PARD3B: variants seen among roughly 807,000 people sequenced by gnomAD.
PARD3B encodes the protein partitioning defective 3 homolog B.
PARD3B carries 103 observed loss-of-function variants against 130.2 expected under a neutral mutation model. The ratio of observed to expected loss-of-function variants is 0.79; its 90% CI spans 0.67 to 0.93. The LOEUF is 0.93. Among genes scored for constraint, PARD3B ranks in the 40% least tolerant of loss-of-function variants. The pLI, the probability that PARD3B is intolerant of heterozygous loss-of-function variation, is 0.00. For synonymous variants in PARD3B, 583 were observed against 553.2 expected (o/e 1.05, Z -0.76); for missense variants, 1,609 against 1,499.2 (o/e 1.07, Z -1.21).
chr2:205,206,499 G>A (rs569518434), intron 15 of PARD3B, among the ~76,000 whole-genome samples: 2 of 151,298 alleles, frequency 1.3e-5, no homozygotes, highest in East Asian at 3.9e-4. Flanking sequence ...AGTTTACCGA[G>A]AATGATGATT....
chr2:204,944,915 G>GA (rs1689192828), intron 2 of PARD3B, among the ~76,000 whole-genome samples: 1 of 152,090 alleles, frequency 6.6e-6, no homozygotes, highest in Non-Finnish European at 1.5e-5. Flanking sequence ...GGGAGTGAGA[G>GA]AAAAAATTGC....
rs2055418457 is a variant in PARD3B, at chr2:205,615,909, C to G, written c.*96C>G. 6.9e-6 allele frequency: 7 copies of G among 1,020,782 alleles called. No homozygotes were observed. Among genetic ancestry groups the G allele is most frequent in the Admixed American group, 2.3e-5 (1 of 42,692 alleles). The allele number at this position is 1,020,782 out of a possible 1,614,324, so 63.2% of individuals were successfully genotyped here. A position where few individuals can be genotyped will look rare whatever the true frequency, so the allele number is the denominator to read the frequency against. ...GAAGACCTCCTTGGTGTTAGGAATT[C>G]TCCATGTTACTGATAAGCTTTTTCT... On this transcript the variant is annotated 3_prime_UTR_variant, in exon 23 of 23. Transcript: ENST00000406610.
intron 10 of PARD3B, among the ~76,000 whole-genome samples, chr2:205,151,737 ATT>A (rs2033770735): frequency 6.6e-6 from 1 of 152,212 alleles, no homozygotes; most frequent in Non-Finnish European, 1.5e-5. Context: ...CTGTCTTTTA[ATT>A]GGGGCATTTA....
In PARD3B at chr2:205,529,073, CT is replaced by C. The variant is rs746584103; in HGVS notation, c.3181-24248del. Among the ~76,000 whole-genome samples the C allele has an allele frequency of 1.6e-3, 243 of 152,150 alleles. 1 individual carries two copies. Among genetic ancestry groups the C allele is most frequent in the Middle Eastern group, 3.4e-3 (1 of 294 alleles). ...CAACATATTTTAATGCAAATGTTAC[CT>C]TTGTAAGTGGATGACCTGAAAAGAA... On this transcript the variant is annotated intron_variant, in intron 21 of 22. Transcript: ENST00000406610.
chr2:204,757,199 T>G (rs2040713834), intron 2 of PARD3B, among the ~76,000 whole-genome samples: 1 of 152,208 alleles, frequency 6.6e-6, no homozygotes, highest in Non-Finnish European at 1.5e-5. Flanking sequence ...TCTTTGCTGT[T>G]GTGACTAGTG....
chr2:205,557,896 C>T (rs1381295783), intron 22 of PARD3B, among the ~76,000 whole-genome samples: 1 of 152,116 alleles, frequency 6.6e-6, no homozygotes, highest in East Asian at 1.9e-4. Context: ...CGTTGCTTTC[C>T]TCCCCCTGCC....
Position 204,998,344 on chromosome 2 carries a change from ATATATATATATATATG to A in PARD3B, c.394+33023_394+33038del, listed in dbSNP as rs1267103082. Among the ~76,000 whole-genome samples, 21 of 90,648 alleles carry A rather than the reference ATATATATATATATATG, an allele frequency of 2.3e-4. 2 individuals are homozygous for A. Among genetic ancestry groups the A allele is most frequent in the African/African-American group, 6.5e-4 (14 of 21,404 alleles). 59.5% of individuals were successfully genotyped at this position (90,648 alleles called of 152,430 possible). A position where few individuals can be genotyped will look rare whatever the true frequency, so the allele number is the denominator to read the frequency against. On this transcript the variant is annotated intron_variant, in intron 3 of 22. Transcript: ENST00000406610. ...TATATATATATATATATATATATAT[ATATATATATATATATG>A]TGTGTGTGTGTGTGTATATATGTGT... is the stretch of plus-strand genomic sequence containing the variant.
intron 16 of PARD3B, among the ~76,000 whole-genome samples, chr2:205,293,118 T>C (rs1464776080): frequency 6.6e-6 from 1 of 152,076 alleles, no homozygotes; most frequent in Non-Finnish European, 1.5e-5. Context: ...TACAAAAAAT[T>C]ATAAAAATAG....
intron 3 of PARD3B, among the ~76,000 whole-genome samples, chr2:205,002,188 G>A (rs1171582960): frequency 6.6e-6 from 1 of 152,120 alleles, no homozygotes; most frequent in South Asian, 2.1e-4. Flanking sequence ...TAGCCTACCA[G>A]CCAAGCAAGT....
At chr2:205,200,260 G>A (rs549992433) in intron 15 of PARD3B, among the ~76,000 whole-genome samples, 5 of 152,070 alleles carry the variant, frequency 3.3e-5, no homozygotes, top group East Asian at 1.9e-4. Flanking sequence ...ACCATAAAAC[G>A]ACATCTTTAT....
intron 18 of PARD3B, among the ~76,000 whole-genome samples, chr2:205,376,509 G>C (rs1360247613): frequency 6.6e-6 from 1 of 150,914 alleles, no homozygotes; most frequent in Non-Finnish European, 1.5e-5. Flanking sequence ...ATGACGTGAG[G>C]TATTGGGAGA....
At position 204,841,802 on chromosome 2, in the gene PARD3B, G is replaced by T. The variant is rs189333072; in HGVS notation, c.223-123350G>T. On this transcript the variant is annotated intron_variant, in intron 2 of 22. Coordinates refer to ENST00000406610, the MANE Select transcript of PARD3B (RefSeq NM_001302769.2). ...ATAGGCCATTGTATAAAATACAAAT[G>T]ATCAAAATTGTATCACAGTAATAAT... 7.9e-5 allele frequency among the ~76,000 whole-genome samples: 12 copies of T among 152,092 alleles called. No homozygotes were observed. In the East Asian group the frequency reaches 2.1e-3, roughly 27 times the overall value.
chr2:205,225,260 C>T (rs1395564228), intron 15 of PARD3B, among the ~76,000 whole-genome samples: 3 of 151,680 alleles, frequency 2.0e-5, no homozygotes, highest in South Asian at 2.1e-4. Flanking sequence ...CACATCCTTG[C>T]CAGCATTTGT....
At chr2:204,747,540 C>T (rs1032189605) in intron 2 of PARD3B, among the ~76,000 whole-genome samples, 1 of 152,138 alleles carries the variant, frequency 6.6e-6, no homozygotes, top group African/African-American at 2.4e-5. Flanking sequence ...CCATCCCCAT[C>T]AAGCTACCAA....
At chr2:205,106,986 G>A (rs1262640165) in intron 5 of PARD3B, among the ~76,000 whole-genome samples, 11 of 152,156 alleles carry the variant, frequency 7.2e-5, no homozygotes. Context: ...TGAATTACAT[G>A]GTCCATATGC....
At chr2:205,064,911 G>T (rs1195500555) in intron 4 of PARD3B, among the ~76,000 whole-genome samples, 1 of 152,146 alleles carries the variant, frequency 6.6e-6, no homozygotes, top group Non-Finnish European at 1.5e-5. Context: ...GTTATCAAAA[G>T]ACCCCTTCCC....
intron 2 of PARD3B, among the ~76,000 whole-genome samples, chr2:204,946,857 C>T (rs1022373013): frequency 6.6e-6 from 1 of 152,054 alleles, no homozygotes; most frequent in African/African-American, 2.4e-5. Context: ...ACCTGAAGAC[C>T]CAAGAGGAGC....
intron 3 of PARD3B, among the ~76,000 whole-genome samples, chr2:205,001,855 A>G (rs1257682568): frequency 1.3e-5 from 2 of 152,304 alleles, no homozygotes; most frequent in South Asian, 2.1e-4. Context: ...CCACGATGAG[A>G]GAAGCTTTTT....
At chr2:205,055,650 A>G (rs984293576) in intron 4 of PARD3B, among the ~76,000 whole-genome samples, 1 of 152,192 alleles carries the variant, frequency 6.6e-6, no homozygotes, top group Admixed American at 6.6e-5. Context: ...AACTGTATGA[A>G]CTCTAGTTGT....
Sources: allele counts gnomAD v4.1 joint callset (sites outside exome capture counted in the v4.1 genomes callset), GRCh38; gene constraint gnomAD v4.1.1; transcripts MANE v1.5; gene names NCBI Gene and HGNC (gene_info 2026-07-23, HGNC 2026-07-21).